The following MAD2L2 variants were observed in gnomAD, a reference collection of about 807,000 sequenced individuals.
The protein encoded by MAD2L2 is mitotic arrest deficient 2 like 2.
MAD2L2 carries 17 observed loss-of-function variants against 30.5 expected under a neutral mutation model. The observed-to-expected ratio is 0.56, with a 90% CI of 0.38 to 0.84. The LOEUF (loss-of-function observed/expected upper bound fraction) is 0.84, where lower values mean the gene tolerates loss of function less well. MAD2L2 is among the 40% of genes least tolerant of loss of function. The pLI is 0.00. For synonymous variants in MAD2L2, 101 were observed against 113.9 expected (o/e 0.89, Z 0.72); for missense variants, 213 against 277.4 (o/e 0.77, Z 1.65).
At chr1:11,683,847 T>G (rs1240262839), upstream of MAD2L2, among the ~76,000 whole-genome samples, 10 of 152,128 alleles carry the variant, frequency 6.6e-5, no homozygotes, top group Non-Finnish European at 1.2e-4. Flanking sequence ...GGCGCATGCC[T>G]GTAATCCCAG....
At chr1:11,681,206 C>G (rs957648953), upstream of MAD2L2, 1 of 152,246 alleles carries the variant, frequency 6.6e-6, no homozygotes, top group Non-Finnish European at 1.5e-5. Flanking sequence ...CACGCCCATT[C>G]CCGCACGGCC....
intron 4 of MAD2L2, chr1:11,677,225 A>T: frequency 1.7e-6 from 1 of 600,698 alleles, no homozygotes; most frequent in Non-Finnish European, 2.9e-6. Context: ...TGAGGGGCTC[A>T]GCTCAGACAG....
intron 1 of MAD2L2, among the ~76,000 whole-genome samples, chr1:11,689,520 C>G (rs1461408981): frequency 4.7e-5 from 7 of 149,818 alleles, no homozygotes; most frequent in African/African-American, 1.7e-4. Flanking sequence ...TGCTTGAACC[C>G]GGGAGGTGGA....
intron 5 of MAD2L2, among the ~76,000 whole-genome samples, 191 bp downstream of exon 5, chr1:11,676,657 T>C (rs1640774341): frequency 6.6e-6 from 1 of 152,200 alleles, no homozygotes; most frequent in African/African-American, 2.4e-5. Flanking sequence ...CAGGTGACCC[T>C]GGGTAGCTCA....
chr1:11,675,848 C>T (rs1465292163), intron 6 of MAD2L2, 117 bp from the exon 7 acceptor site: 4 of 983,962 alleles, frequency 4.1e-6, no homozygotes, highest in Admixed American at 1.7e-5. Context: ...GATGGCAAAG[C>T]AAGTGCTAAG....
In MAD2L2 at chr1:11,674,801, C is replaced by G. The variant is rs764213016; in HGVS notation, c.610G>C (p.Glu204Gln). ...SDILKMQLYV[E>Q]ERAHKGS is the part of the protein sequence containing the mutation. ...CAGCTGCCTTTATGAGCGCGCTCTT[C>G]CACGTAAAGCTGCATCTGACGGACA... The change falls in exon 9 of 9, where the codon GAA (glutamate) becomes CAA (glutamine). Residue 204 changes from glutamate to glutamine, a missense_variant. Transcript: ENST00000376692. The surrounding 1 kb of genome is among the most constrained non-coding windows in gnomAD (Gnocchi z 6.1). 6 of 1,613,754 alleles carry G rather than the reference C, an allele frequency of 3.7e-6. No homozygotes were observed. In the South Asian group the frequency reaches 6.6e-5, roughly 18 times the overall value.
upstream of MAD2L2, among the ~76,000 whole-genome samples, chr1:11,685,677 C>T (rs1640944799): frequency 6.6e-6 from 1 of 152,210 alleles, no homozygotes; most frequent in Non-Finnish European, 1.5e-5. Flanking sequence ...GTGCACAATG[C>T]CAGGCATGGT....
chr1:11,677,119 C>T (rs1432711737), intron 4 of MAD2L2, 171 bp from the exon 5 acceptor site: 17 of 655,662 alleles, frequency 2.6e-5, no homozygotes, highest in Non-Finnish European at 4.6e-5. Context: ...GAAGCCGGCA[C>T]CCTCCAGCAT....
chr1:11,689,116 C>T (rs747079626), intron 1 of MAD2L2, among the ~76,000 whole-genome samples: 3 of 151,706 alleles, frequency 2.0e-5, no homozygotes, highest in Non-Finnish European at 2.9e-5. Flanking sequence ...GGCAACATGG[C>T]GAAACCCTGT....
chr1:11,676,038 G>T lies in MAD2L2; in HGVS notation c.427+8C>A. On this transcript the variant is annotated splice_region_variant and intron_variant, in intron 6 of 8. Transcript: ENST00000376692. ...GCCAAGGGAAGAGAGGGTGGGGAGT[G>T]GACACACCTGGGGGGTTGTGGTCCA... The T allele has an allele frequency of 6.2e-7, 1 of 1,611,700 alleles. No homozygotes were observed. The highest frequency in any genetic ancestry group is 8.5e-7 in the Non-Finnish European group (1 of 1,178,152).
Position 11,675,079 on chromosome 1 carries a change from C to A in MAD2L2, c.594+3G>T, listed in dbSNP as rs186015104. ...AAGCTTCCCGGGTCCCCACGAAGCT[C>A]ACCTTTAAAATGTCCGACGTCATGG... On this transcript the variant is annotated splice_donor_region_variant and intron_variant, in intron 8 of 8. Transcript: ENST00000376692. 3.2e-6 allele frequency: 5 copies of A among 1,580,040 alleles called. No individual in the cohort carries two copies. The highest frequency in any genetic ancestry group is 4.3e-6 in the Non-Finnish European group (5 of 1,161,380).
At chr1:11,685,404 T>A (rs1423798545), upstream of MAD2L2, among the ~76,000 whole-genome samples, 1 of 152,152 alleles carries the variant, frequency 6.6e-6, no homozygotes, top group Non-Finnish European at 1.5e-5. Context: ...TGGGTGGCAC[T>A]ATGCAGAGAA....
At position 11,680,867 on chromosome 1, in the gene MAD2L2, G is replaced by GC. The variant is rs1014690060; in HGVS notation, c.-13+171dup. 125 of 1,057,574 alleles carry GC rather than the reference G, an allele frequency of 1.2e-4. No homozygotes were observed. In the African/African-American group the frequency reaches 1.8e-3, roughly 15 times the overall value. The allele number at this position is 1,057,574 out of a possible 1,614,324, so 65.5% of individuals were successfully genotyped here. A position where few individuals can be genotyped will look rare whatever the true frequency, so the allele number is the denominator to read the frequency against. On this transcript the variant is annotated intron_variant, in intron 1 of 8. Coordinates refer to ENST00000376692, the MANE Select transcript of MAD2L2 (RefSeq NM_006341.4). ...CGCGGGGTGGAAAGACCACAGCTGT[G>GC]CCCCCGAAAAGGGCAGGGCCGCGGA...
In MAD2L2 at chr1:11,688,879, C is replaced by T. The variant is rs1169551876; in HGVS notation, c.-692+2534G>A. Among the ~76,000 whole-genome samples, 2 of 152,190 alleles carry T rather than the reference C, an allele frequency of 1.3e-5. No homozygotes were observed. The highest frequency in any genetic ancestry group is 2.1e-4 in the South Asian group (1 of 4,832). On this transcript the variant is annotated intron_variant, in intron 1 of 10. Transcript: ENST00000235310. This position sits in a 1 kb window ranked among gnomAD's most constrained non-coding sequence, Gnocchi z 4.6. ...TGCAGTAAGGAAGCCTGTCAAAACC[C>T]ACCAAAAGCAAGATGGCCACGAGAC...
At chr1:11,691,128 C>T (rs1278357907) in intron 1 of MAD2L2, among the ~76,000 whole-genome samples, 1 of 152,216 alleles carries the variant, frequency 6.6e-6, no homozygotes, top group Non-Finnish European at 1.5e-5. Context: ...TCTGCGGCTA[C>T]AAAGGCCCCG....
upstream of MAD2L2, among the ~76,000 whole-genome samples, chr1:11,685,589 T>G (rs573995201): frequency 6.6e-6 from 1 of 152,258 alleles, no homozygotes; most frequent in South Asian, 2.1e-4. Flanking sequence ...TAAAATGGCA[T>G]AATGGTAGTT....
rs553279720 is a variant in MAD2L2 at position 11,676,068 on chromosome 1, G to A, written c.405C>T (p.Ala135=). The part of the protein sequence containing the change: ...AFILKISVCD[A]VLDHNPPGCT... Reference sequence around the variant, plus strand: ...CACCTGGGGGGTTGTGGTCCAGGACGGCATCGCACACGCTGATCTTCAGGA... The same window carrying A: ...CACCTGGGGGGTTGTGGTCCAGGACAGCATCGCACACGCTGATCTTCAGGA... Residue 135 remains alanine, a synonymous_variant, in exon 6 of 9, where the codon GCC becomes GCT. Transcript: ENST00000376692. 1.5e-5 allele frequency: 24 copies of A among 1,613,364 alleles called. No individual in the cohort carries two copies. The highest frequency in any genetic ancestry group is 6.7e-5 in the Admixed American group (4 of 59,990).
chr1:11,679,432 T>C (rs1418689460), intron 3 of MAD2L2, among the ~76,000 whole-genome samples: 1 of 152,152 alleles, frequency 6.6e-6, no homozygotes, highest in Admixed American at 6.5e-5. Context: ...TTAGGATAAA[T>C]GGTAGGGAGA....
rs568694491 is a variant in MAD2L2, at chr1:11,690,900, G to A, written c.-692+513C>T. Among the ~76,000 whole-genome samples the A allele has an allele frequency of 2.0e-5, 3 of 152,224 alleles. No homozygotes were observed. The highest frequency in any genetic ancestry group is 6.5e-5 in the Admixed American group (1 of 15,304). On this transcript the variant is annotated intron_variant, in intron 1 of 10. Transcript: ENST00000235310. The surrounding 1 kb of genome is among the most constrained non-coding windows in gnomAD (Gnocchi z 4.2). ...GAGAAGCTTCAGGCCGGCTTTGGAC[G>A]GGGCGTGGCGAGAGCCGCGCCGCGT...
Sources: allele counts gnomAD v4.1 joint callset (sites outside exome capture counted in the v4.1 genomes callset), GRCh38; gene constraint gnomAD v4.1.1; non-coding constraint Gnocchi (gnomAD v3.1); transcripts MANE v1.5; gene names NCBI Gene and HGNC (gene_info 2026-07-23, HGNC 2026-07-21).